Variants in RPS6KA5 observed in about 807,000 individuals in gnomAD.
The protein encoded by RPS6KA5 is ribosomal protein S6 kinase A5.
A neutral mutation model predicts 85.5 loss-of-function variants in RPS6KA5; 27 were observed. That is an observed-to-expected ratio of 0.32 (90% CI 0.23 to 0.44). The LOEUF is 0.44. RPS6KA5 is among the 20% of genes least tolerant of loss of function. The pLI is 1.00. For synonymous variants in RPS6KA5, 334 were observed against 348.2 expected (o/e 0.96, Z 0.46); for missense variants, 811 against 980.9 (o/e 0.83, Z 2.31).
intron 1 of RPS6KA5, among the ~76,000 whole-genome samples, chr14:91,042,806 C>A (rs1379361192): frequency 1.3e-5 from 2 of 152,044 alleles, no homozygotes; most frequent in African/African-American, 4.8e-5. Flanking sequence ...TCTATCCCAT[C>A]TTGTACAGTT....
intron 2 of RPS6KA5, among the ~76,000 whole-genome samples, chr14:90,993,244 G>A (rs532473937): frequency 7.9e-5 from 12 of 152,024 alleles, no homozygotes; most frequent in African/African-American, 2.4e-4. Context: ...GTTCGAGATC[G>A]GCCTGGCTAA....
chr14:90,964,871 T>C (rs1193185094), intron 3 of RPS6KA5, among the ~76,000 whole-genome samples: 1 of 138,570 alleles, frequency 7.2e-6, no homozygotes, highest in Non-Finnish European at 1.5e-5. Flanking sequence ...GCCATGATAG[T>C]GCCACTGCAC....
Position 90,856,349 on chromosome 14 carries a change from A to G in RPS6KA5, c.*15725T>C, listed in dbSNP as rs1434431466. 1.9e-5 allele frequency: 3 copies of G among 154,492 alleles called. No homozygotes were observed. Among genetic ancestry groups the G allele is most frequent in the Non-Finnish European group, 4.1e-5 (3 of 72,696 alleles). The allele number at this position is 154,492 out of a possible 1,614,324, so 9.6% of individuals were successfully genotyped here. A position where few individuals can be genotyped will look rare whatever the true frequency, so the allele number is the denominator to read the frequency against. ...TCCTCAAACTAGCTACAGCCTTTCT[A>G]GCTATGCGTGATTTTTTTTTTTTTT... On this transcript the variant is annotated 3_prime_UTR_variant, in exon 17 of 17. Transcript: ENST00000614987.
At chr14:90,881,383 G>A (rs773064175) in intron 14 of RPS6KA5, among the ~76,000 whole-genome samples, 3 of 151,138 alleles carry the variant, frequency 2.0e-5, no homozygotes, top group Non-Finnish European at 4.4e-5. Flanking sequence ...AACTCGGGAG[G>A]CAGAGGTTCC....
intron 1 of RPS6KA5, among the ~76,000 whole-genome samples, chr14:91,028,137 C>A (rs2042053135): frequency 6.6e-6 from 1 of 151,972 alleles, no homozygotes; most frequent in Admixed American, 6.6e-5. Context: ...ATTAGAGTTC[C>A]CAGAAAACAA....
chr14:90,910,672 T>TATC (rs1481425247), intron 7 of RPS6KA5, among the ~76,000 whole-genome samples: 2 of 149,818 alleles, frequency 1.3e-5, no homozygotes, highest in Non-Finnish European at 3.0e-5. Context: ...CTTTTATTAT[T>TATC]ATCATTATTA....
intron 14 of RPS6KA5, among the ~76,000 whole-genome samples, chr14:90,887,723 G>A (rs1399932958): frequency 3.3e-5 from 5 of 151,382 alleles, no homozygotes; most frequent in African/African-American, 7.3e-5. Context: ...TTGAGAGGCC[G>A]AGGCGGGAGG....
intron 7 of RPS6KA5, among the ~76,000 whole-genome samples, chr14:90,919,942 T>C (rs2036316092): frequency 6.6e-6 from 1 of 152,196 alleles, no homozygotes; most frequent in Non-Finnish European, 1.5e-5. Flanking sequence ...TAAGACAATA[T>C]GCTAAGTGCT....
At chr14:90,884,255 T>C (rs1290088741) in intron 14 of RPS6KA5, among the ~76,000 whole-genome samples, 1 of 151,968 alleles carries the variant, frequency 6.6e-6, no homozygotes, top group Non-Finnish European at 1.5e-5. Context: ...TGCTACAGGG[T>C]TGAGGGTGGG....
chr14:90,920,176 A>G, intron 7 of RPS6KA5, 30 bp downstream of exon 7: 1 of 1,304,128 alleles, frequency 7.7e-7, no homozygotes, highest in South Asian at 1.2e-5. Context: ...TGAGAAAACA[A>G]TGCATTTATT....
At chr14:91,012,641 T>G (rs565001107) in intron 1 of RPS6KA5, among the ~76,000 whole-genome samples, 9 of 152,320 alleles carry the variant, frequency 5.9e-5, no homozygotes, top group African/African-American at 2.2e-4. Context: ...TCAGAACTCT[T>G]AGAGCTACTT....
chr14:90,923,764 G>A (rs1327513095), intron 5 of RPS6KA5, among the ~76,000 whole-genome samples: 8 of 151,880 alleles, frequency 5.3e-5, no homozygotes, highest in African/African-American at 1.7e-4. Flanking sequence ...CTAATGTTAT[G>A]TTTAACGATG....
intron 1 of RPS6KA5, among the ~76,000 whole-genome samples, chr14:91,006,431 A>T (rs559122642): frequency 5.3e-5 from 8 of 152,248 alleles, no homozygotes; most frequent in African/African-American, 1.7e-4. Flanking sequence ...GGCCTTTGGG[A>T]GGTAATCAGG....
intron 1 of RPS6KA5, among the ~76,000 whole-genome samples, chr14:91,034,134 C>G (rs964798847): frequency 6.6e-6 from 1 of 151,938 alleles, no homozygotes; most frequent in African/African-American, 2.4e-5. Flanking sequence ...CAGCAAAACC[C>G]TTACATAAAA....
chr14:90,907,473 C>T lies in RPS6KA5; in HGVS notation c.807-1174G>A, dbSNP rs77908271. ...GTAGAGTGCTTAACATAGTACCTAGCGCATAGCAAATGCTCAATCAATGTG... is the reference window on the plus strand; with the variant it reads ...GTAGAGTGCTTAACATAGTACCTAGTGCATAGCAAATGCTCAATCAATGTG... On this transcript the variant is annotated intron_variant, in intron 7 of 16. Transcript: ENST00000614987. Among the ~76,000 whole-genome samples, 318 of 152,246 alleles carry T rather than the reference C, an allele frequency of 2.1e-3. 1 individual carries two copies. Among genetic ancestry groups the T allele is most frequent in the African/African-American group, 6.9e-3 (287 of 41,522 alleles).
At chr14:91,001,775 T>G (rs2040807181) in intron 1 of RPS6KA5, among the ~76,000 whole-genome samples, 1 of 152,220 alleles carries the variant, frequency 6.6e-6, no homozygotes, top group Admixed American at 6.5e-5. Context: ...TTGTCTTGAA[T>G]AAATAAAATT....
chr14:90,994,562 T>G (rs866241050), intron 2 of RPS6KA5, among the ~76,000 whole-genome samples: 25 of 81,094 alleles, frequency 3.1e-4, no homozygotes, highest in African/African-American at 1.6e-3. Context: ...ATGTTTGTGA[T>G]TTTTTTTTTT....
At chr14:90,922,311 A>G (rs1307454350) in intron 6 of RPS6KA5, among the ~76,000 whole-genome samples, 1 of 151,740 alleles carries the variant, frequency 6.6e-6, no homozygotes, top group African/African-American at 2.4e-5. Flanking sequence ...TAGAAATTAA[A>G]AATGCCAATA....
At position 90,849,285 on chromosome 14, in the gene RPS6KA5, G is replaced by T. The variant is rs1853142333; in HGVS notation, c.*22789C>A. ...CCTTCGCAACCAGCCCTTTGAAACTGGAAACAAAGTTTTGGCCAGAGATGA... is the reference window on the plus strand; with the variant it reads ...CCTTCGCAACCAGCCCTTTGAAACTTGAAACAAAGTTTTGGCCAGAGATGA... On this transcript the variant is annotated 3_prime_UTR_variant, in exon 17 of 17. Coordinates refer to ENST00000614987, the MANE Select transcript of RPS6KA5 (RefSeq NM_004755.4). 6.6e-6 allele frequency: 1 copy of T among 152,178 alleles called. No individual in the cohort carries two copies. The highest frequency in any genetic ancestry group is 6.5e-5 in the Admixed American group (1 of 15,268). 9.4% of individuals were successfully genotyped at this position (152,178 alleles called of 1,614,324 possible).
Sources: gnomAD v4.1 joint callset for allele counts (sites outside exome capture counted in the v4.1 genomes callset) on GRCh38, gnomAD v4.1.1 for gene constraint, MANE v1.5 for transcripts, NCBI Gene and HGNC (gene_info 2026-07-23, HGNC 2026-07-21) for gene names.